NELL1: variants seen among roughly 807,000 people sequenced by gnomAD.
The protein encoded by NELL1 is protein kinase C-binding protein NELL1.
In NELL1, 76 loss-of-function variants were observed where a neutral mutation model predicts 107.4. That is an observed-to-expected ratio of 0.71 (90% confidence interval 0.59 to 0.86). The LOEUF (loss-of-function observed/expected upper bound fraction) is 0.86. Ranked by LOEUF, NELL1 falls within the 40% of genes least tolerant of loss-of-function variation. The pLI, the probability that NELL1 is intolerant of heterozygous loss-of-function variation, is 0.00. For synonymous variants in NELL1, 353 were observed against 341.2 expected (o/e 1.03, Z -0.38); for missense variants, 1,024 against 1,005.5 (o/e 1.02, Z -0.25).
At chr11:20,888,534 G>A (rs79013765) in intron 5 of NELL1, among the ~76,000 whole-genome samples, 1 of 151,722 alleles carries the variant, frequency 6.6e-6, no homozygotes, top group Non-Finnish European at 1.5e-5. Flanking sequence ...AGAGATAAAG[G>A]TTATGGGCAC....
intron 15 of NELL1, among the ~76,000 whole-genome samples, chr11:21,485,656 CG>C (rs1854608683): frequency 6.6e-6 from 1 of 151,930 alleles, no homozygotes. Flanking sequence ...AGAGTGGCCC[CG>C]CCCTCCCTGG....
At chr11:21,084,638 A>G (rs151102203) in intron 12 of NELL1, among the ~76,000 whole-genome samples, 2 of 152,138 alleles carry the variant, frequency 1.3e-5, no homozygotes, top group African/African-American at 2.4e-5. Flanking sequence ...CACCAGGGGC[A>G]TTTCCGGATG....
intron 15 of NELL1, among the ~76,000 whole-genome samples, chr11:21,507,687 A>C (rs2133940315): frequency 6.6e-6 from 1 of 152,294 alleles, no homozygotes; most frequent in African/African-American, 2.4e-5. Flanking sequence ...TGAATAAAAA[A>C]GAAAAAAATA....
chr11:21,289,519 G>A (rs910943749), intron 14 of NELL1, among the ~76,000 whole-genome samples: 1 of 152,210 alleles, frequency 6.6e-6, no homozygotes, highest in Non-Finnish European at 1.5e-5. Flanking sequence ...GCAACTTGCA[G>A]ACCAGGAGAT....
chr11:21,115,566 A>G (rs961820618), intron 13 of NELL1, among the ~76,000 whole-genome samples: 2 of 147,056 alleles, frequency 1.4e-5, no homozygotes, highest in African/African-American at 5.5e-5. Flanking sequence ...ATTTTATGTG[A>G]GTTTTTTTTT....
chr11:21,077,113 T>C (rs1433749061), intron 12 of NELL1, among the ~76,000 whole-genome samples: 1 of 152,044 alleles, frequency 6.6e-6, no homozygotes, highest in East Asian at 1.9e-4. Flanking sequence ...GGAATAAAAG[T>C]AGTGATAAAA....
intron 14 of NELL1, among the ~76,000 whole-genome samples, chr11:21,301,087 T>C (rs1274589355): frequency 6.6e-6 from 1 of 152,210 alleles, no homozygotes; most frequent in African/African-American, 2.4e-5. Context: ...ATCTTTTTTA[T>C]GACTGCATAT....
At chr11:21,434,283 G>C (rs779898881) in intron 15 of NELL1, among the ~76,000 whole-genome samples, 90 of 152,024 alleles carry the variant, frequency 5.9e-4, no homozygotes, top group Non-Finnish European at 2.4e-4. Flanking sequence ...ATGTTCTGAA[G>C]CATTTCCTTA....
intron 12 of NELL1, among the ~76,000 whole-genome samples, chr11:21,078,956 A>T (rs1854203177): frequency 6.6e-6 from 1 of 151,976 alleles, no homozygotes; most frequent in South Asian, 2.1e-4. Context: ...ATTAAGTATA[A>T]ATGGTTTAGC....
At chr11:21,500,094 T>C (rs368199555) in intron 15 of NELL1, among the ~76,000 whole-genome samples, 1 of 152,280 alleles carries the variant, frequency 6.6e-6, no homozygotes, top group Admixed American at 6.5e-5. Flanking sequence ...GAATTTATTA[T>C]TTTGATCATC....
At chr11:21,293,052 G>T (rs1590811560) in intron 14 of NELL1, among the ~76,000 whole-genome samples, 1 of 152,124 alleles carries the variant, frequency 6.6e-6, no homozygotes, top group East Asian at 1.9e-4. Context: ...AAAAACAATG[G>T]CAACAAAAGC....
intron 3 of NELL1, among the ~76,000 whole-genome samples, chr11:20,833,451 CA>C (rs1385172730): frequency 6.6e-6 from 1 of 152,122 alleles, no homozygotes; most frequent in Non-Finnish European, 1.5e-5. Flanking sequence ...ACTGTTACTA[CA>C]AACCAGATAT....
chr11:20,979,704 G>C (rs759013334), intron 12 of NELL1, among the ~76,000 whole-genome samples: 17 of 152,144 alleles, frequency 1.1e-4, no homozygotes, highest in Admixed American at 3.3e-4. Flanking sequence ...CTCTTAGAGT[G>C]ATAGGCCGTG....
At chr11:21,200,478 T>G (rs1177129829) in intron 13 of NELL1, among the ~76,000 whole-genome samples, 1 of 152,036 alleles carries the variant, frequency 6.6e-6, no homozygotes, top group Non-Finnish European at 1.5e-5. Context: ...TTCGCTCACT[T>G]TTTGATTTTT....
intron 15 of NELL1, among the ~76,000 whole-genome samples, chr11:21,479,234 A>G (rs920862127): frequency 6.6e-6 from 1 of 152,098 alleles, no homozygotes; most frequent in African/African-American, 2.4e-5. Flanking sequence ...AGATATCTAC[A>G]CTCCTATGTT....
intron 2 of NELL1, among the ~76,000 whole-genome samples, chr11:20,679,889 C>T (rs1193879185): frequency 6.6e-6 from 1 of 152,136 alleles, no homozygotes; most frequent in African/African-American, 2.4e-5. Context: ...TTATAAAAAA[C>T]TTACTGCTTG....
chr11:21,360,554 A>G (rs1345777293), intron 14 of NELL1, among the ~76,000 whole-genome samples: 1 of 152,012 alleles, frequency 6.6e-6, no homozygotes, highest in Non-Finnish European at 1.5e-5. Context: ...TTGACTTTCC[A>G]TCTTGATAAT....
At chr11:20,973,101 C>CTTTTTTTT (rs761894107) in intron 12 of NELL1, among the ~76,000 whole-genome samples, 49 of 92,488 alleles carry the variant, frequency 5.3e-4, no homozygotes, top group Middle Eastern at 0.01. Context: ...ATCTTCATTA[C>CTTTTTTTT]TTTTTTTTTT....
chr11:20,905,002 A>AT (rs201231648), intron 5 of NELL1, among the ~76,000 whole-genome samples: 6,278 of 129,582 alleles, frequency 0.048, 322 homozygotes, highest in African/African-American at 0.11. Context: ...CTAATTTTTA[A>AT]TTTTTTTTTT....
Sources: allele counts gnomAD v4.1 joint callset (sites outside exome capture counted in the v4.1 genomes callset), GRCh38; gene constraint gnomAD v4.1.1; transcripts MANE v1.5; gene names NCBI Gene and HGNC (gene_info 2026-07-23, HGNC 2026-07-21).